Variants in DIAPH3 observed in about 807,000 individuals in gnomAD.
DIAPH3 encodes the protein diaphanous related formin 3.
DIAPH3 carries 117 observed loss-of-function variants against 144.3 expected under a neutral mutation model. The ratio of observed to expected loss-of-function variants is 0.81; its 90% CI spans 0.70 to 0.95. The LOEUF is 0.95. DIAPH3 is among the 40% of genes least tolerant of loss of function. The pLI is 0.00. For missense variants in DIAPH3, 1,421 were observed against 1,412.7 expected (o/e 1.01, Z -0.09); for synonymous variants, 519 against 488.9 (o/e 1.06, Z -0.81).
intron 22 of DIAPH3, among the ~76,000 whole-genome samples, chr13:59,839,756 T>C (rs2042239131): frequency 6.6e-6 from 1 of 152,156 alleles, no homozygotes; most frequent in Admixed American, 6.5e-5. Flanking sequence ...CATCAGTCTA[T>C]TCAGAGACAA....
chr13:59,674,489 G>C (rs1422966289), intron 27 of DIAPH3, among the ~76,000 whole-genome samples: 1 of 152,082 alleles, frequency 6.6e-6, no homozygotes, highest in Non-Finnish European at 1.5e-5. Context: ...GGTAATTTGT[G>C]CTACCTTCCC....
At chr13:60,091,805 T>A in intron 4 of DIAPH3, among the ~76,000 whole-genome samples, 1 of 152,110 alleles carries the variant, frequency 6.6e-6, no homozygotes, top group African/African-American at 2.4e-5. Context: ...AAATATGTTG[T>A]GTTCTAATCA....
chr13:59,860,868 T>C (rs1467396035), intron 22 of DIAPH3, among the ~76,000 whole-genome samples: 1 of 152,228 alleles, frequency 6.6e-6, no homozygotes, highest in Middle Eastern at 3.2e-3. Context: ...TATGACCTGA[T>C]CTAAGCCCAC....
intron 18 of DIAPH3, among the ~76,000 whole-genome samples, chr13:59,918,143 T>G (rs1321885550): frequency 2.0e-5 from 3 of 149,860 alleles, no homozygotes; most frequent in Non-Finnish European, 3.0e-5. Flanking sequence ...AAAAGATACA[T>G]TGATTATGTA....
At chr13:60,036,422 GT>G (rs919280820) in intron 5 of DIAPH3, among the ~76,000 whole-genome samples, 13 of 150,154 alleles carry the variant, frequency 8.7e-5, no homozygotes, top group African/African-American at 2.9e-4. Context: ...ATGTTGTTGT[GT>G]TTTTTTTTCA....
chr13:59,833,486 G>T (rs576681869), intron 23 of DIAPH3, among the ~76,000 whole-genome samples: 2 of 151,572 alleles, frequency 1.3e-5, no homozygotes, highest in African/African-American at 4.8e-5. Context: ...GAAATCATTA[G>T]AAAAGATTTA....
rs2035915015 is a variant in DIAPH3, at chr13:59,732,034, A to G, written c.3319+42155T>C. On this transcript the variant is annotated intron_variant, in intron 27 of 27. Transcript: ENST00000400324. ...AGTTTACGGATTAGATTAGAACAAC[A>G]TCAGCATAATATTCTTAATATAGCC... Among the ~76,000 whole-genome samples the G allele has an allele frequency of 2.6e-5, 4 of 152,144 alleles. No homozygotes were observed. In the South Asian group the frequency reaches 8.3e-4, roughly 31 times the overall value.
chr13:59,915,080 C>T (rs1357974023), intron 19 of DIAPH3, among the ~76,000 whole-genome samples: 2 of 151,986 alleles, frequency 1.3e-5, no homozygotes, highest in African/African-American at 4.8e-5. Context: ...AAATATTTAA[C>T]TAATTCATTA....
intron 25 of DIAPH3, among the ~76,000 whole-genome samples, chr13:59,775,549 G>A (rs1358316175): frequency 6.6e-6 from 1 of 152,176 alleles, no homozygotes; most frequent in Non-Finnish European, 1.5e-5. Context: ...GCCCGGGAGA[G>A]TGTTTTTGTT....
intron 27 of DIAPH3, among the ~76,000 whole-genome samples, chr13:59,721,497 T>G (rs766786049): frequency 2.6e-5 from 4 of 152,138 alleles, no homozygotes; most frequent in Admixed American, 6.5e-5. Flanking sequence ...TTTTTTAAAG[T>G]TATTTGTCAA....
intron 25 of DIAPH3, among the ~76,000 whole-genome samples, chr13:59,799,591 A>G (rs1015406220): frequency 1.3e-5 from 2 of 152,214 alleles, no homozygotes; most frequent in African/African-American, 4.8e-5. Flanking sequence ...CAAACTTGAC[A>G]TATGTCATAT....
chr13:60,154,982 T>C (rs539212649), intron 1 of DIAPH3, among the ~76,000 whole-genome samples: 13 of 152,336 alleles, frequency 8.5e-5, no homozygotes, highest in Non-Finnish European at 1.2e-4. Flanking sequence ...TTAATTTACA[T>C]TCTATATAAA....
chr13:59,996,085 C>G (rs2052172130), intron 9 of DIAPH3, among the ~76,000 whole-genome samples: 1 of 151,860 alleles, frequency 6.6e-6, no homozygotes, highest in African/African-American at 2.4e-5. Context: ...GTCAACTGGT[C>G]AAATAAAACA....
intron 27 of DIAPH3, among the ~76,000 whole-genome samples, chr13:59,716,702 C>T (rs342572): frequency 0.66 from 99,588 of 152,034 alleles, 33,033 homozygotes; most frequent in East Asian, 0.71. Flanking sequence ...AAAAAGATCA[C>T]ATTATAAGCA....
chr13:59,716,269 G>A (rs995506978), intron 27 of DIAPH3, among the ~76,000 whole-genome samples: 4 of 152,006 alleles, frequency 2.6e-5, no homozygotes, highest in South Asian at 2.1e-4. Flanking sequence ...TCCGCCTCCC[G>A]GGTTCACGCC....
chr13:59,761,286 T>C (rs529200081), intron 27 of DIAPH3, among the ~76,000 whole-genome samples: 2 of 152,268 alleles, frequency 1.3e-5, no homozygotes, highest in African/African-American at 4.8e-5. Context: ...GTCACTTCTT[T>C]ATAAAAAAAG....
intron 1 of DIAPH3, among the ~76,000 whole-genome samples, chr13:60,157,580 T>C (rs979712284): frequency 5.3e-5 from 8 of 152,250 alleles, no homozygotes; most frequent in Admixed American, 4.6e-4. Context: ...AACTGAGTTA[T>C]CTTGAGACTG....
At chr13:59,948,836 AGAAAGAAGGAAGGAAG>A (rs1450796180) in intron 17 of DIAPH3, among the ~76,000 whole-genome samples, 2 of 143,098 alleles carry the variant, frequency 1.4e-5, no homozygotes, top group African/African-American at 5.2e-5. Flanking sequence ...TGACATAAAA[AGAAAGAAGGAAGGAAG>A]GAAGGAAGGA....
At chr13:59,697,116 C>T (rs769860257) in intron 27 of DIAPH3, among the ~76,000 whole-genome samples, 2 of 151,900 alleles carry the variant, frequency 1.3e-5, no homozygotes, top group Non-Finnish European at 2.9e-5. Context: ...CCTCAAACTA[C>T]TCCACATGCT....
Sources: gnomAD v4.1 joint callset for allele counts (sites outside exome capture counted in the v4.1 genomes callset) on GRCh38, gnomAD v4.1.1 for gene constraint, MANE v1.5 for transcripts, NCBI Gene and HGNC (gene_info 2026-07-23, HGNC 2026-07-21) for gene names.